Variants in RASGRF2 observed in about 807,000 individuals in gnomAD.
RASGRF2 encodes the protein ras-specific guanine nucleotide-releasing factor 2.
A neutral mutation model predicts 151.0 loss-of-function variants in RASGRF2; 76 were observed. The observed-to-expected ratio is 0.50, with a 90% CI of 0.42 to 0.61. RASGRF2 has a LOEUF of 0.61. Among genes scored for constraint, RASGRF2 ranks in the 20% least tolerant of loss-of-function variants. RASGRF2 has a pLI of 0.00. For missense variants in RASGRF2, 1,148 were observed against 1,564.6 expected (o/e 0.73, Z 4.49); for synonymous variants, 504 against 566.5 (o/e 0.89, Z 1.57).
chr5:81,147,623 G>A (rs562329855), intron 17 of RASGRF2, among the ~76,000 whole-genome samples: 1 of 152,328 alleles, frequency 6.6e-6, no homozygotes, highest in Non-Finnish European at 1.5e-5. Flanking sequence ...GTAACAAACA[G>A]CCATGGGGGA....
At chr5:81,065,023 G>GT (rs1230207978) in intron 2 of RASGRF2, among the ~76,000 whole-genome samples, 3 of 152,136 alleles carry the variant, frequency 2.0e-5, no homozygotes, top group Non-Finnish European at 4.4e-5. Context: ...GCTGCTACGA[G>GT]TTCTACAGCA....
chr5:80,962,440 T>A lies in RASGRF2; in HGVS notation c.288+1414T>A, dbSNP rs949095064. Among the ~76,000 whole-genome samples the A allele has an allele frequency of 9.9e-5, 15 of 152,268 alleles. No homozygotes were observed. The East Asian group carries it at 2.5e-3, about 25-fold the overall frequency. On this transcript the variant is annotated intron_variant, in intron 1 of 26. Transcript: ENST00000265080. ...AACATTCTATTGGTGGGATTTTTTT[T>A]AAGGTATGTGTTCCAAGGCCCCGCA...
At chr5:81,093,025 C>G (rs1037604046) in intron 10 of RASGRF2, 64 bp downstream of exon 10, 17 of 1,440,606 alleles carry the variant, frequency 1.2e-5, no homozygotes, top group Non-Finnish European at 1.6e-5. Context: ...GAAGTTAACT[C>G]ATTTGAGACT....
At chr5:81,043,038 TTA>T in intron 2 of RASGRF2, 55 bp downstream of exon 2, 25 of 1,343,654 alleles carry the variant, frequency 1.9e-5, no homozygotes, top group Non-Finnish European at 2.6e-5. Flanking sequence ...TGCATTGGGG[TTA>T]TCACTGTTGG....
intron 16 of RASGRF2, among the ~76,000 whole-genome samples, chr5:81,124,692 GAA>G (rs11332303): frequency 6.6e-6 from 1 of 151,696 alleles, no homozygotes; most frequent in African/African-American, 2.4e-5. Flanking sequence ...TCTAATTGGA[GAA>G]AAAAAACTAA....
chr5:81,178,762 G>A (rs757673656), intron 17 of RASGRF2, among the ~76,000 whole-genome samples: 2 of 151,626 alleles, frequency 1.3e-5, no homozygotes, highest in Non-Finnish European at 2.9e-5. Context: ...TTTTTGAGAC[G>A]GAGTCTCGCT....
intron 1 of RASGRF2, among the ~76,000 whole-genome samples, chr5:81,010,968 G>C (rs1045279667): frequency 2.0e-5 from 3 of 152,136 alleles, no homozygotes; most frequent in African/African-American, 7.2e-5. Flanking sequence ...CATTGCGTTT[G>C]TATGTTTTAA....
At chr5:81,145,426 T>C (rs1220041315) in intron 17 of RASGRF2, among the ~76,000 whole-genome samples, 1 of 152,172 alleles carries the variant, frequency 6.6e-6, no homozygotes, top group African/African-American at 2.4e-5. Flanking sequence ...TACCACAAAT[T>C]CTTTTCTACT....
intron 7 of RASGRF2, 93 bp downstream of exon 7, chr5:81,080,882 C>A: frequency 8.4e-7 from 1 of 1,189,176 alleles, no homozygotes; most frequent in Non-Finnish European, 1.2e-6. Flanking sequence ...TAAGTGTGCC[C>A]TGGGAGGAAT....
At chr5:80,994,352 C>T (rs896923032) in intron 1 of RASGRF2, among the ~76,000 whole-genome samples, 6 of 119,054 alleles carry the variant, frequency 5.0e-5, no homozygotes, top group South Asian at 3.0e-4. Context: ...GGCGACAGAG[C>T]GACACTCTGT....
chr5:81,086,814 C>A, intron 8 of RASGRF2, 21 bp from the exon 9 acceptor site: 2 of 1,561,712 alleles, frequency 1.3e-6, no homozygotes, highest in South Asian at 2.2e-5. Flanking sequence ...TTACTGTGAT[C>A]CTGTCTGTGT....
At chr5:81,053,172 A>G (rs1323361862) in intron 2 of RASGRF2, among the ~76,000 whole-genome samples, 1 of 151,460 alleles carries the variant, frequency 6.6e-6, no homozygotes, top group African/African-American at 2.4e-5. Flanking sequence ...CATGTGCACA[A>G]CCTGCAGGTT....
chr5:81,211,426 T>C (rs563528841), intron 22 of RASGRF2, among the ~76,000 whole-genome samples: 67 of 152,352 alleles, frequency 4.4e-4, no homozygotes, highest in African/African-American at 1.6e-3. Context: ...TCAATAGTTA[T>C]TGGCAAGAAC....
In RASGRF2 at chr5:81,143,477, A is replaced by G. The variant is rs141982135; in HGVS notation, c.2686+16314A>G. On this transcript the variant is annotated intron_variant, in intron 17 of 26. Coordinates refer to ENST00000265080, the MANE Select transcript of RASGRF2 (RefSeq NM_006909.3). ...AAAAAATACAAATTTTTTAATAATA[A>G]CATACAATGAAATACTTTTAACAAT... Among the ~76,000 whole-genome samples, 557 of 152,330 alleles carry G rather than the reference A, an allele frequency of 3.7e-3. 1 individual carries two copies. Among genetic ancestry groups the G allele is most frequent in the African/African-American group, 0.013 (540 of 41,578 alleles).
At chr5:81,124,893 T>C (rs78098796) in intron 16 of RASGRF2, among the ~76,000 whole-genome samples, 2,216 of 150,100 alleles carry the variant, frequency 0.015, 16 homozygotes, top group Non-Finnish European at 0.021. Flanking sequence ...AAAAGGCTTT[T>C]TTTTTTGGTT....
At chr5:81,077,658 C>G (rs764000169) in intron 5 of RASGRF2, among the ~76,000 whole-genome samples, 1 of 152,198 alleles carries the variant, frequency 6.6e-6, no homozygotes, top group African/African-American at 2.4e-5. Context: ...TCAGGCAGTA[C>G]AGCATTCTGG....
At chr5:81,050,161 T>G (rs1750966258) in intron 2 of RASGRF2, among the ~76,000 whole-genome samples, 1 of 152,156 alleles carries the variant, frequency 6.6e-6, no homozygotes, top group South Asian at 2.1e-4. Flanking sequence ...TCTGCAGCAT[T>G]GCCCTGGTGC....
At chr5:81,196,195 G>T (rs1055870400) in intron 18 of RASGRF2, among the ~76,000 whole-genome samples, 18 of 152,212 alleles carry the variant, frequency 1.2e-4, no homozygotes, top group African/African-American at 4.3e-4. Flanking sequence ...GGAGGCAGAG[G>T]CTACAGTGAG....
chr5:81,082,384 G>A (rs532090945), intron 7 of RASGRF2, among the ~76,000 whole-genome samples: 4 of 152,242 alleles, frequency 2.6e-5, no homozygotes, highest in African/African-American at 4.8e-5. Context: ...ATGCCTGATA[G>A]CAATGACTGA....
Sources: allele counts gnomAD v4.1 joint callset (sites outside exome capture counted in the v4.1 genomes callset), GRCh38; gene constraint gnomAD v4.1.1; transcripts MANE v1.5; gene names NCBI Gene and HGNC (gene_info 2026-07-23, HGNC 2026-07-21).